COL25A1: variants seen among roughly 807,000 people sequenced by gnomAD.
COL25A1 encodes collagen alpha-1(XXV) chain.
A neutral mutation model predicts 128.4 loss-of-function variants in COL25A1; 103 were observed. The observed-to-expected ratio is 0.80, with a 90% CI of 0.68 to 0.94. The LOEUF (loss-of-function observed/expected upper bound fraction) is 0.94, where lower values mean the gene tolerates loss of function less well. COL25A1 is among the 40% of genes least tolerant of loss of function. The pLI is 0.00. For synonymous variants in COL25A1, 279 were observed against 277.2 expected (o/e 1.01, Z -0.06); for missense variants, 745 against 840.0 (o/e 0.89, Z 1.40).
At chr4:108,963,428 T>C (rs1032310793) in intron 8 of COL25A1, among the ~76,000 whole-genome samples, 1 of 152,180 alleles carries the variant, frequency 6.6e-6, no homozygotes, top group Non-Finnish European at 1.5e-5. Context: ...AAATTGGATT[T>C]TTTTTGTCCA....
At chr4:109,073,333 C>T (rs2125985307) in intron 3 of COL25A1, among the ~76,000 whole-genome samples, 1 of 152,280 alleles carries the variant, frequency 6.6e-6, no homozygotes, top group Middle Eastern at 3.4e-3. Context: ...GGAAATACCT[C>T]TAGAAATAAC....
At chr4:109,024,778 C>CTAAA (rs869301934) in intron 5 of COL25A1, among the ~76,000 whole-genome samples, 1 of 41,786 alleles carries the variant, frequency 2.4e-5, no homozygotes, top group East Asian at 2.1e-3. Flanking sequence ...ATTCGAGTTT[C>CTAAA]TTTCTTCCAA....
Position 108,832,974 on chromosome 4 carries a change from A to AATAAATAAATAAATAAATAAATACATAC in COL25A1, c.1657-542_1657-541insGTATGTATTTATTTATTTATTTATTTAT, listed in dbSNP as rs1553944780. Reference sequence around the variant, plus strand: ...AGAGCGAGACTCCGTCTCAAAAAATAATAAATAAATAAATAAATAAATAAA... The same window carrying AATAAATAAATAAATAAATAAATACATAC: ...AGAGCGAGACTCCGTCTCAAAAAATAATAAATAAATAAATAAATAAATACATACATAAATAAATAAATAAATAAATAAA... On this transcript the variant is annotated intron_variant, in intron 31 of 37. Coordinates refer to ENST00000399132, the MANE Select transcript of COL25A1 (RefSeq NM_198721.4). Among the ~76,000 whole-genome samples, 49 of 110,102 alleles carry AATAAATAAATAAATAAATAAATACATAC rather than the reference A, an allele frequency of 4.5e-4. 1 individual carries two copies. Among genetic ancestry groups the AATAAATAAATAAATAAATAAATACATAC allele is most frequent in the Admixed American group, 3.0e-3 (37 of 12,272 alleles). The allele number at this position is 110,102 out of a possible 152,430, so 72.2% of individuals were successfully genotyped here.
intron 3 of COL25A1, among the ~76,000 whole-genome samples, chr4:109,295,513 T>C (rs914224264): frequency 1.4e-4 from 22 of 151,866 alleles, no homozygotes; most frequent in Middle Eastern, 6.8e-3. Flanking sequence ...CCTTACATAA[T>C]TGAAAATCTA....
chr4:109,087,127 C>A (rs1193695714), intron 3 of COL25A1, among the ~76,000 whole-genome samples: 1 of 151,908 alleles, frequency 6.6e-6, no homozygotes, highest in Non-Finnish European at 1.5e-5. Context: ...CAAAATGTTC[C>A]AAGAAGATAG....
chr4:109,062,393 T>C (rs535138459), intron 3 of COL25A1, among the ~76,000 whole-genome samples: 2 of 152,234 alleles, frequency 1.3e-5, no homozygotes. Flanking sequence ...CATTTTATTA[T>C]GATATCAAGT....
At chr4:108,933,340 T>C (rs1746978888) in intron 11 of COL25A1, among the ~76,000 whole-genome samples, 1 of 152,186 alleles carries the variant, frequency 6.6e-6, no homozygotes, top group Admixed American at 6.5e-5. Flanking sequence ...GGGGTTTACA[T>C]AATGTGAAAA....
At chr4:108,835,948 T>C (rs1436393764) in intron 31 of COL25A1, among the ~76,000 whole-genome samples, 1 of 132,474 alleles carries the variant, frequency 7.5e-6, no homozygotes, top group Non-Finnish European at 1.5e-5. Flanking sequence ...CTCAGTTCAC[T>C]GCAACCTCTG....
chr4:108,973,933 T>G (rs1437752107), intron 8 of COL25A1, among the ~76,000 whole-genome samples: 1 of 152,214 alleles, frequency 6.6e-6, no homozygotes, highest in Non-Finnish European at 1.5e-5. Context: ...AGAACAAATA[T>G]GTAAAATGCA....
At chr4:109,022,002 T>G (rs1757813275) in intron 5 of COL25A1, among the ~76,000 whole-genome samples, 1 of 152,202 alleles carries the variant, frequency 6.6e-6, no homozygotes, top group Non-Finnish European at 1.5e-5. Context: ...GAGTTTCTGA[T>G]TTTGCCCTGG....
At chr4:108,829,098 T>C (rs181594284) in intron 32 of COL25A1, among the ~76,000 whole-genome samples, 1 of 152,372 alleles carries the variant, frequency 6.6e-6, no homozygotes, top group East Asian at 1.9e-4. Context: ...GGCCAGATTT[T>C]AAATGAAACA....
chr4:109,236,949 TAC>T (rs1293126682), intron 3 of COL25A1, among the ~76,000 whole-genome samples: 2 of 152,066 alleles, frequency 1.3e-5, no homozygotes, highest in Non-Finnish European at 2.9e-5. Context: ...AACATTGTTA[TAC>T]AGTTTCACAT....
chr4:108,817,395 A>G lies in COL25A1; in HGVS notation c.1962+2T>C. ...TTTGAGAAATTATTCAGTAAAGCCT[A>G]CCTTTTGCCAACAGCCAGGCATGGG... On this transcript the variant is annotated splice_donor_variant, in intron 37 of 37. Coordinates refer to ENST00000399132, the MANE Select transcript of COL25A1 (RefSeq NM_198721.4). LOFTEE classifies it high-confidence loss of function. 3 of 1,613,218 alleles carry G rather than the reference A, an allele frequency of 1.9e-6. No individual in the cohort carries two copies. The highest frequency in any genetic ancestry group is 2.5e-6 in the Non-Finnish European group (3 of 1,179,280).
intron 35 of COL25A1, among the ~76,000 whole-genome samples, chr4:108,821,090 T>A (rs1731728452): frequency 6.6e-6 from 1 of 152,166 alleles, no homozygotes; most frequent in South Asian, 2.1e-4. Context: ...CAAAGCAACA[T>A]GAATATTGAA....
chr4:109,102,562 T>A (rs1004314155), intron 3 of COL25A1, among the ~76,000 whole-genome samples: 2 of 152,152 alleles, frequency 1.3e-5, no homozygotes, highest in Non-Finnish European at 2.9e-5. Context: ...ATTTTCTATT[T>A]ATTTGTCCTA....
chr4:109,139,039 T>C (rs1448909216), intron 3 of COL25A1, among the ~76,000 whole-genome samples: 1 of 152,194 alleles, frequency 6.6e-6, no homozygotes, highest in Admixed American at 6.5e-5. Context: ...TATCTCATTG[T>C]GGTTTTGATT....
intron 3 of COL25A1, among the ~76,000 whole-genome samples, chr4:109,205,004 T>C (rs1240748252): frequency 6.6e-6 from 1 of 152,218 alleles, no homozygotes; most frequent in Non-Finnish European, 1.5e-5. Flanking sequence ...TACCACTGTG[T>C]GATTGTTCCA....
chr4:108,840,100 G>T (rs1433069725), intron 31 of COL25A1, among the ~76,000 whole-genome samples: 2 of 151,886 alleles, frequency 1.3e-5, no homozygotes, highest in Non-Finnish European at 1.5e-5. Context: ...AAATTAGCCG[G>T]GCATGGTGGT....
At chr4:109,218,357 G>GTTTTTTTTTTTTTTGTTTTTTT (rs1560887047) in intron 3 of COL25A1, among the ~76,000 whole-genome samples, 56 of 73,530 alleles carry the variant, frequency 7.6e-4, no homozygotes, top group South Asian at 2.9e-3. Flanking sequence ...GTTTTTTGGG[G>GTTTTTTTTTTTTTTGTTTTTTT]TTTTTTTTTT....
Sources: gnomAD v4.1 joint callset for allele counts (sites outside exome capture counted in the v4.1 genomes callset) on GRCh38, gnomAD v4.1.1 for gene constraint, MANE v1.5 for transcripts, NCBI Gene and HGNC (gene_info 2026-07-23, HGNC 2026-07-21) for gene names.